TMEM132E: variants seen among roughly 807,000 people sequenced by gnomAD.
TMEM132E encodes transmembrane protein 132E.
In TMEM132E, 49 loss-of-function variants were observed where a neutral mutation model predicts 78.5. That is an observed-to-expected ratio of 0.62 (90% CI 0.50 to 0.79). TMEM132E has a LOEUF of 0.79. Ranked by LOEUF, TMEM132E falls within the 30% of genes least tolerant of loss-of-function variation. The pLI is 0.00. For synonymous variants in TMEM132E, 715 were observed against 670.6 expected, an observed-to-expected ratio of 1.07 and a Z score of -1.02; for missense variants, 1,403 against 1,470.9, an observed-to-expected ratio of 0.95 and a Z score of 0.75.
chr17:34,631,818 G>A (rs916432385), intron 5 of TMEM132E, among the ~76,000 whole-genome samples: 8 of 152,202 alleles, frequency 5.3e-5, no homozygotes, highest in South Asian at 2.1e-4. Flanking sequence ...ACCCATGGAC[G>A]TGCACCAGCA....
chr17:34,623,987 C>G (rs1310092520), intron 1 of TMEM132E, among the ~76,000 whole-genome samples: 22 of 152,180 alleles, frequency 1.4e-4, no homozygotes, highest in Non-Finnish European at 7.3e-5. Flanking sequence ...CGGTGATTTC[C>G]CCAGTTGGTC....
intron 1 of TMEM132E, among the ~76,000 whole-genome samples, chr17:34,589,076 A>G (rs1419001469): frequency 1.3e-5 from 2 of 152,222 alleles, no homozygotes; most frequent in Non-Finnish European, 2.9e-5. Flanking sequence ...GGTGAGGGGA[A>G]TTGGGAAATC....
intron 1 of TMEM132E, among the ~76,000 whole-genome samples, chr17:34,613,254 C>A (rs898475965): frequency 1.9e-4 from 28 of 145,906 alleles, no homozygotes; most frequent in African/African-American, 6.6e-4. Context: ...CCGTTGTTTG[C>A]GGCTAATTGT....
At chr17:34,630,822 C>T (rs1478412582) in intron 5 of TMEM132E, among the ~76,000 whole-genome samples, 2 of 152,136 alleles carry the variant, frequency 1.3e-5, no homozygotes, top group Admixed American at 6.5e-5. Flanking sequence ...CTGCTTTGGC[C>T]CCAGGTCCCC....
chr17:34,581,151 T>TCGC lies in TMEM132E; in HGVS notation c.67+9_67+11dup. 6.6e-7 allele frequency: 1 copy of TCGC among 1,507,822 alleles called. No individual in the cohort carries two copies. Among genetic ancestry groups the TCGC allele is most frequent in the Non-Finnish European group, 8.8e-7 (1 of 1,132,778 alleles). The allele number at this position is 1,507,822 out of a possible 1,614,324, so 93.4% of individuals were successfully genotyped here. ...CAGCGCTACTCGCCCACGGTAAGTG[T>TCGC]CGCGGCGCGGACTGGGGGTGAGGAT... On this transcript the variant is annotated intron_variant, in intron 1 of 8. Coordinates refer to ENST00000631683, the MANE Select transcript of TMEM132E (RefSeq NM_001304438.2).
chr17:34,621,595 G>T (rs996889543), intron 1 of TMEM132E, among the ~76,000 whole-genome samples: 1 of 152,182 alleles, frequency 6.6e-6, no homozygotes, highest in Non-Finnish European at 1.5e-5. Flanking sequence ...TCAGGAGACG[G>T]CAGCAAGGGA....
intron 1 of TMEM132E, among the ~76,000 whole-genome samples, chr17:34,613,201 A>ACGCGCG (rs1906657707): frequency 3.5e-5 from 4 of 114,244 alleles, no homozygotes; most frequent in Admixed American, 2.0e-4. Flanking sequence ...ACACACCCAC[A>ACGCGCG]CACACACACA....
intron 1 of TMEM132E, among the ~76,000 whole-genome samples, chr17:34,582,499 G>T (rs2142045812): frequency 8.7e-6 from 1 of 114,680 alleles, no homozygotes; most frequent in Admixed American, 9.2e-5. Context: ...GGTTATTCCC[G>T]GCTGAGGTAA....
chr17:34,628,491 G>A, intron 2 of TMEM132E, 72 bp from the exon 3 acceptor site: 2 of 1,586,446 alleles, frequency 1.3e-6, no homozygotes, highest in Non-Finnish European at 1.7e-6. Flanking sequence ...ACAGTCTAGT[G>A]ATGGTGGCCA....
In TMEM132E at chr17:34,637,922, G is replaced by A; in HGVS notation, c.2915G>A (p.Ser972Asn). ...TTCTGCCACGGCGACCACCACAGCA[G>A]CGGCAGCTCGCAGACCAGCGTCCAG... ...PAFCHGDHHS[S>N]GSSQTSVQSQ... is the part of the protein sequence containing the mutation. The change falls in exon 9 of 9, where the codon AGC becomes AAC. Residue 972 changes from serine to asparagine, a missense_variant. Around this residue, in one of 3 missense-constraint regions of TMEM132E, gnomAD observed 888 missense variants for 952.8 expected, o/e 0.93. Transcript: ENST00000631683. The A allele has an allele frequency of 6.2e-7, 1 of 1,606,096 alleles. No homozygotes were observed. The highest frequency in any genetic ancestry group is 1.1e-5 in the South Asian group (1 of 90,754).
intron 1 of TMEM132E, chr17:34,614,726 C>G (rs1295178170): frequency 6.6e-6 from 1 of 152,468 alleles, no homozygotes; most frequent in East Asian, 1.9e-4. Context: ...CCTCCAAACT[C>G]CAAGCCCCTC....
chr17:34,590,640 C>T (rs1453492641), intron 1 of TMEM132E, among the ~76,000 whole-genome samples: 1 of 152,086 alleles, frequency 6.6e-6, no homozygotes, highest in Non-Finnish European at 1.5e-5. Flanking sequence ...GGCCAGCGAA[C>T]TCTCAGAGTC....
intron 1 of TMEM132E, among the ~76,000 whole-genome samples, chr17:34,585,651 T>C (rs1905646530): frequency 6.6e-6 from 1 of 152,148 alleles, no homozygotes; most frequent in Admixed American, 6.5e-5. Flanking sequence ...CCTCAACAGA[T>C]TCCATCACCT....
At chr17:34,615,531 G>GTGTC (rs1906752045) in intron 1 of TMEM132E, among the ~76,000 whole-genome samples, 1 of 151,282 alleles carries the variant, frequency 6.6e-6, no homozygotes, top group African/African-American at 2.4e-5. Context: ...GTGTGTGTGT[G>GTGTC]TGTGTGTGTG....
intron 6 of TMEM132E, among the ~76,000 whole-genome samples, chr17:34,633,271 G>A (rs1393588377): frequency 6.6e-6 from 1 of 152,254 alleles, no homozygotes; most frequent in Admixed American, 6.5e-5. Context: ...TCCTGGAAGA[G>A]ACAACTCTTG....
At position 34,626,553 on chromosome 17, in the gene TMEM132E, T is replaced by C. The variant is rs1907140322; in HGVS notation, c.494T>C (p.Val165Ala). Residue 165 changes from valine to alanine, a missense_variant, in exon 2 of 9, where the codon GTC becomes GCC. Physicochemically the swap from Val to Ala is moderately conservative, Grantham distance 64 (BLOSUM62 0). Coordinates refer to ENST00000631683, the MANE Select transcript of TMEM132E (RefSeq NM_001304438.2). Reference sequence around the variant, plus strand: ...GGCGTCACCGAGCGGCTGCCCTGTGTCCGCCTGCATGCCTTCCGGGATGCC... The same window carrying C: ...GGCGTCACCGAGCGGCTGCCCTGTGCCCGCCTGCATGCCTTCCGGGATGCC... ...DFGVTERLPC[V>A]RLHAFRDARE... The C allele has an allele frequency of 6.3e-7, 1 of 1,590,144 alleles. No individual in the cohort carries two copies. Among genetic ancestry groups the C allele is most frequent in the African/African-American group, 1.3e-5 (1 of 74,562 alleles).
chr17:34,615,517 A>ATGTG (rs3048841), intron 1 of TMEM132E, among the ~76,000 whole-genome samples: 11,433 of 140,754 alleles, frequency 0.081, 529 homozygotes, highest in Non-Finnish European at 0.11. Context: ...ACTGGCACAG[A>ATGTG]TGTGTGTGTG....
At chr17:34,617,129 C>G (rs1215202968) in intron 1 of TMEM132E, among the ~76,000 whole-genome samples, 1 of 152,254 alleles carries the variant, frequency 6.6e-6, no homozygotes, top group Non-Finnish European at 1.5e-5. Context: ...CCAGAACTCC[C>G]TGCAGACATA....
intron 1 of TMEM132E, among the ~76,000 whole-genome samples, chr17:34,604,630 C>T (rs991339009): frequency 6.6e-6 from 1 of 152,174 alleles, no homozygotes; most frequent in Non-Finnish European, 1.5e-5. Flanking sequence ...AGCTCTGCAT[C>T]TCCACTAGTT....
Sources: allele counts gnomAD v4.1 joint callset (sites outside exome capture counted in the v4.1 genomes callset), GRCh38; gene constraint gnomAD v4.1.1; regional missense constraint gnomAD v4.1.1; transcripts MANE v1.5; gene names NCBI Gene and HGNC (gene_info 2026-07-23, HGNC 2026-07-21).